PSD3: variants seen among roughly 807,000 people sequenced by gnomAD.
The protein encoded by PSD3 is pleckstrin and Sec7 domain containing 3.
PSD3 carries 49 observed loss-of-function variants against 105.5 expected under a neutral mutation model. That is an observed-to-expected ratio of 0.46 (90% CI 0.37 to 0.59). The LOEUF (loss-of-function observed/expected upper bound fraction) is 0.59. Ranked by LOEUF, PSD3 falls within the 20% of genes least tolerant of loss-of-function variation. The pLI is 0.00. For synonymous variants in PSD3, 557 were observed against 457.8 expected (o/e 1.22, Z -2.77); for missense variants, 1,561 against 1,263.8 (o/e 1.24, Z -3.57).
At chr8:19,011,123 C>T (rs1037646989) in intron 1 of PSD3, among the ~76,000 whole-genome samples, 1 of 152,104 alleles carries the variant, frequency 6.6e-6, no homozygotes, top group East Asian at 1.9e-4. Flanking sequence ...CCCAATCCAA[C>T]CCAAACCCAA....
intron 1 of PSD3, among the ~76,000 whole-genome samples, chr8:18,983,846 AT>A (rs1825363385): frequency 6.6e-6 from 1 of 151,816 alleles, no homozygotes; most frequent in African/African-American, 2.4e-5. Flanking sequence ...AAAAAAAAAA[AT>A]GTTTTAACCG....
intron 4 of PSD3, among the ~76,000 whole-genome samples, chr8:18,844,554 T>C (rs1037765194): frequency 6.6e-6 from 1 of 152,030 alleles, no homozygotes; most frequent in African/African-American, 2.4e-5. Flanking sequence ...CCAAACCACA[T>C]TAAGATTGAA....
chr8:19,079,647 C>T (rs754384316), intron 1 of PSD3, among the ~76,000 whole-genome samples: 1 of 152,122 alleles, frequency 6.6e-6, no homozygotes, highest in Non-Finnish European at 1.5e-5. Flanking sequence ...TAATAGGGGA[C>T]TTTATTTAAC....
intron 1 of PSD3, among the ~76,000 whole-genome samples, chr8:19,055,548 C>G (rs907264248): frequency 6.6e-6 from 1 of 152,186 alleles, no homozygotes; most frequent in Non-Finnish European, 1.5e-5. Context: ...CCACCGTGCC[C>G]GGCCGATTTG....
chr8:18,888,508 T>C (rs548087954), intron 2 of PSD3, among the ~76,000 whole-genome samples: 2 of 150,838 alleles, frequency 1.3e-5, no homozygotes, highest in South Asian at 4.2e-4. Flanking sequence ...GGAATAATAA[T>C]GGGGTTTTCT....
chr8:18,928,333 C>T (rs1024399285), intron 2 of PSD3, among the ~76,000 whole-genome samples: 7 of 152,200 alleles, frequency 4.6e-5, no homozygotes, highest in Admixed American at 1.3e-4. Flanking sequence ...CTTCCTTCGT[C>T]TTCCACCATG....
At chr8:18,730,471 C>A (rs933023563) in intron 9 of PSD3, 1 of 152,132 alleles carries the variant, frequency 6.6e-6, no homozygotes, top group African/African-American at 2.4e-5. Context: ...GATGACCATG[C>A]CTTATAGTTG....
intron 1 of PSD3, among the ~76,000 whole-genome samples, chr8:18,982,987 T>A (rs577404109): frequency 6.6e-6 from 1 of 152,348 alleles, no homozygotes; most frequent in Admixed American, 6.5e-5. Flanking sequence ...CCAGACGGCA[T>A]CTTTTCCCAA....
chr8:18,943,471 C>T (rs1411293435), intron 1 of PSD3, among the ~76,000 whole-genome samples: 1 of 151,928 alleles, frequency 6.6e-6, no homozygotes, highest in Non-Finnish European at 1.5e-5. Flanking sequence ...AGCAAATGAT[C>T]TAGTGATAAC....
intron 1 of PSD3, among the ~76,000 whole-genome samples, chr8:19,071,120 T>G (rs1030013267): frequency 6.6e-6 from 1 of 151,704 alleles, no homozygotes; most frequent in Non-Finnish European, 1.5e-5. Flanking sequence ...AGAGCAATGG[T>G]GCAATCTCGG....
intron 1 of PSD3, among the ~76,000 whole-genome samples, chr8:19,067,845 C>T (rs1381081683): frequency 6.6e-6 from 1 of 152,196 alleles, no homozygotes; most frequent in Non-Finnish European, 1.5e-5. Context: ...TTCTGGCCAC[C>T]TTGGAGGAAT....
intron 1 of PSD3, among the ~76,000 whole-genome samples, chr8:18,957,987 T>C (rs1386646950): frequency 6.6e-6 from 1 of 152,196 alleles, no homozygotes; most frequent in East Asian, 1.9e-4. Context: ...CTACCACAAT[T>C]TGAAACACAT....
At position 18,657,652 on chromosome 8, in the gene PSD3, G is replaced by A. The variant is rs534132402; in HGVS notation, c.2173-1967C>T. Among the ~76,000 whole-genome samples, 5 of 152,268 alleles carry A rather than the reference G, an allele frequency of 3.3e-5. No individual in the cohort carries two copies. In the South Asian group the frequency reaches 1.0e-3, roughly 32 times the overall value. ...CAGGAGGCTGAACACCTATGGAAGT[G>A]CAGAGAGAGTTGAAAACTGGCTCAA... On this transcript the variant is annotated intron_variant, in intron 9 of 15. Transcript: ENST00000327040.
intron 1 of PSD3, among the ~76,000 whole-genome samples, chr8:18,980,799 C>T (rs543406069): frequency 2.6e-5 from 4 of 152,288 alleles, no homozygotes; most frequent in African/African-American, 9.6e-5. Flanking sequence ...GATCTTAAAA[C>T]ACCTGAATAC....
rs1219494363 is a variant in PSD3 at position 18,534,274 on chromosome 8, C to A, written c.*1469G>T. 1 of 152,428 alleles carries A rather than the reference C, an allele frequency of 6.6e-6. No individual in the cohort carries two copies. Among genetic ancestry groups the A allele is most frequent in the African/African-American group, 2.4e-5 (1 of 41,362 alleles). The allele number at this position is 152,428 out of a possible 1,614,324, so 9.4% of individuals were successfully genotyped here. The stretch of plus-strand genomic sequence containing the variant: ...GATACTATTAGTTCTGAAGTTGTGC[C>A]ACTTGCGGAGATTTTAACTTTAGGG... On this transcript the variant is annotated 3_prime_UTR_variant, in exon 16 of 16. Coordinates refer to ENST00000327040, the MANE Select transcript of PSD3 (RefSeq NM_015310.4).
chr8:18,610,005 G>C (rs1028649475), intron 11 of PSD3, among the ~76,000 whole-genome samples: 1 of 152,172 alleles, frequency 6.6e-6, no homozygotes, highest in African/African-American at 2.4e-5. Context: ...TAGCAGCGTG[G>C]TAGCACTAAA....
At chr8:18,793,226 A>G (rs1809892460) in intron 8 of PSD3, among the ~76,000 whole-genome samples, 1 of 152,110 alleles carries the variant, frequency 6.6e-6, no homozygotes, top group Non-Finnish European at 1.5e-5. Flanking sequence ...AATGTAAATG[A>G]CAAGTTAACA....
intron 1 of PSD3, among the ~76,000 whole-genome samples, chr8:19,068,178 G>A (rs1829138536): frequency 6.6e-6 from 1 of 152,072 alleles, no homozygotes; most frequent in African/African-American, 2.4e-5. Flanking sequence ...AGAGGATACA[G>A]CCCCTTGAGA....
intron 1 of PSD3, among the ~76,000 whole-genome samples, chr8:19,003,035 C>A (rs1235629789): frequency 6.6e-6 from 1 of 152,038 alleles, no homozygotes; most frequent in Non-Finnish European, 1.5e-5. Flanking sequence ...ACTGTCTAAG[C>A]CCCTTCTAAC....
Sources: gnomAD v4.1 joint callset for allele counts (sites outside exome capture counted in the v4.1 genomes callset) on GRCh38, gnomAD v4.1.1 for gene constraint, MANE v1.5 for transcripts, NCBI Gene and HGNC (gene_info 2026-07-23, HGNC 2026-07-21) for gene names.